The following KIF20B variants were observed in gnomAD, a reference collection of about 807,000 sequenced individuals.
The protein encoded by KIF20B is kinesin family member 20B, also known as kinesin-like protein KIF20B.
A neutral mutation model predicts 232.5 loss-of-function variants in KIF20B; 188 were observed. That is an observed-to-expected ratio of 0.81 (90% CI 0.72 to 0.91). The LOEUF is 0.91. Ranked by LOEUF, KIF20B falls within the 40% of genes least tolerant of loss-of-function variation. The probability of loss-of-function intolerance (pLI) is 0.00; values close to 1 mark genes in which losing one functional copy is unlikely to be tolerated. For synonymous variants in KIF20B, 712 were observed against 683.0 expected, an observed-to-expected ratio of 1.04 and a Z score of -0.66; for missense variants, 2,154 against 2,055.9, an observed-to-expected ratio of 1.05 and a Z score of -0.92.
intron 29 of KIF20B, among the ~76,000 whole-genome samples, chr10:89,763,869 ATTATT>A (rs1842296486): frequency 7.0e-6 from 1 of 143,764 alleles, no homozygotes; most frequent in Non-Finnish European, 1.5e-5. Flanking sequence ...TATTAATAGT[ATTATT>A]TATTTATATA....
At chr10:89,713,027 A>G (rs1210902095) in intron 6 of KIF20B, among the ~76,000 whole-genome samples, 1 of 152,164 alleles carries the variant, frequency 6.6e-6, no homozygotes, top group Non-Finnish European at 1.5e-5. Flanking sequence ...GGATAACTCC[A>G]TAGCCAATTC....
At position 89,738,259 on chromosome 10, in the gene KIF20B, C is replaced by G; in HGVS notation, c.3418C>G (p.Gln1140Glu). The G allele has an allele frequency of 6.2e-7, 1 of 1,610,116 alleles. No homozygotes were observed. The highest frequency in any genetic ancestry group is 8.5e-7 in the Non-Finnish European group (1 of 1,179,026). The change falls in exon 20 of 33, where the codon CAG becomes GAG. Residue 1140 changes from glutamine to glutamate, a missense_variant. Transcript: ENST00000371728. ...AAATGTTACTCTTGATGTTCAAATA[C>G]AGCATGTAGTTGAAGGAAAGAGAGC... ...EKNVTLDVQI[Q>E]HVVEGKRALS...
At position 89,757,050 on chromosome 10, in the gene KIF20B, A is replaced by ATATATATATG. The variant is rs1564673576; in HGVS notation, c.4504-1647_4504-1646insGTATATATAT. Reference sequence around the variant, plus strand: ...TGTGTGTGTGTGTGTGTATATATATATATATATATATATATATATACACAC... The same window carrying ATATATATATG: ...TGTGTGTGTGTGTGTGTATATATATATATATATATGTATATATATATATATATATACACAC... On this transcript the variant is annotated intron_variant, in intron 26 of 32. Transcript: ENST00000371728. Among the ~76,000 whole-genome samples, 3 of 119,436 alleles carry ATATATATATG rather than the reference A, an allele frequency of 2.5e-5. No individual in the cohort carries two copies. In the East Asian group the frequency reaches 1.2e-3, roughly 48 times the overall value. The allele number at this position is 119,436 out of a possible 152,430, so 78.4% of individuals were successfully genotyped here.
At chr10:89,753,395 A>G (rs1926139) in intron 25 of KIF20B, among the ~76,000 whole-genome samples, 28,145 of 152,076 alleles carry the variant, frequency 0.19, 3,150 homozygotes, top group East Asian at 0.35. Flanking sequence ...TTTTTGTTAC[A>G]TATTATATAT....
intron 21 of KIF20B, among the ~76,000 whole-genome samples, chr10:89,741,768 G>A (rs1377688157): frequency 6.6e-6 from 1 of 152,210 alleles, no homozygotes; most frequent in Non-Finnish European, 1.5e-5. Flanking sequence ...GTCATTCTGA[G>A]TAGTGGGTCA....
intron 18 of KIF20B, among the ~76,000 whole-genome samples, chr10:89,732,130 T>A (rs1477841675): frequency 2.8e-5 from 4 of 144,704 alleles, no homozygotes; most frequent in Non-Finnish European, 4.5e-5. Flanking sequence ...TCCCCCACTT[T>A]CTTTCTTTTT....
rs577918687 is a variant in KIF20B, at chr10:89,738,317, A to G, written c.3476A>G (p.Tyr1159Cys). ...GAACTTACACAAGGTGTTACTTGCT[A>G]TAAGGCAAAAATAAAGGAACTTGAA... The part of the protein sequence containing the change: ...LSELTQGVTC[Y>C]KAKIKELETI... Residue 1159 changes from tyrosine (Y) to cysteine (C), a missense_variant, in exon 20 of 33, where the codon TAT becomes TGT. Coordinates refer to ENST00000371728, the MANE Select transcript of KIF20B (RefSeq NM_001284259.2). 6.2e-6 allele frequency: 10 copies of G among 1,612,074 alleles called. No individual in the cohort carries two copies. Among genetic ancestry groups the G allele is most frequent in the South Asian group, 3.3e-5 (3 of 90,446 alleles).
rs1447961451 is a variant in KIF20B, at chr10:89,714,841, C to CA, written c.713-110dup. On this transcript the variant is annotated intron_variant, in intron 7 of 32. Transcript: ENST00000371728. ...CCAAAAAGTTTTTAACATAGATGGT[C>CA]AAAAGATTAAGCATACTTGGTTTTT... 4.8e-5 allele frequency: 32 copies of CA among 673,284 alleles called. No homozygotes were observed. In the East Asian group the frequency reaches 9.3e-4, roughly 20 times the overall value. 41.7% of individuals were successfully genotyped at this position (673,284 alleles called of 1,614,324 possible).
chr10:89,735,138 A>G (rs564859852), intron 19 of KIF20B, among the ~76,000 whole-genome samples: 1 of 152,376 alleles, frequency 6.6e-6, no homozygotes, highest in African/African-American at 2.4e-5. Flanking sequence ...GTTACCATAA[A>G]GTAACAAAAT....
chr10:89,719,780 C>G, intron 13 of KIF20B, 74 bp downstream of exon 13: 1 of 1,262,920 alleles, frequency 7.9e-7, no homozygotes, highest in Admixed American at 2.4e-5. Flanking sequence ...AAGGCTCTCT[C>G]TCTTCAGTTT....
In KIF20B at chr10:89,719,409, A is replaced by G; in HGVS notation, c.1435-10A>G. The G allele has an allele frequency of 6.5e-7, 1 of 1,534,042 alleles. No individual in the cohort carries two copies. The highest frequency in any genetic ancestry group is 8.8e-7 in the Non-Finnish European group (1 of 1,140,786). On this transcript the variant is annotated splice_polypyrimidine_tract_variant and intron_variant, in intron 12 of 32. Coordinates refer to ENST00000371728, the MANE Select transcript of KIF20B (RefSeq NM_001284259.2). ...TTCTGTTTTAAAAGTCACATTGAAT[A>G]TTTTAACAGGTTTGTGTCCCAGACA...
chr10:89,739,146 C>T, intron 21 of KIF20B, 50 bp downstream of exon 21: 4 of 1,558,334 alleles, frequency 2.6e-6, no homozygotes, highest in Non-Finnish European at 3.5e-6. Context: ...AGATTGTTTT[C>T]CTTATATATC....
At chr10:89,710,205 A>C in intron 5 of KIF20B, 140 bp downstream of exon 5, 1 of 624,118 alleles carries the variant, frequency 1.6e-6, no homozygotes, top group Non-Finnish European at 2.4e-6. Flanking sequence ...GCATATTATT[A>C]CGTATTGCTG....
chr10:89,719,610 T>C lies in KIF20B; in HGVS notation c.1626T>C (p.Ala542=), dbSNP rs1162123436. 4 of 1,613,336 alleles carry C rather than the reference T, an allele frequency of 2.5e-6. No individual in the cohort carries two copies. Among genetic ancestry groups the C allele is most frequent in the African/African-American group, 1.3e-5 (1 of 75,028 alleles). Residue 542 remains alanine (A), a synonymous_variant, in exon 13 of 33, where the codon GCT becomes GCC. Transcript: ENST00000371728. ...ATTTGGTTGAGGAGCTAGAAAACGC[T>C]GAAGAAACTCAAAATGTGGAAACTA... ...DEDLVEELEN[A]EETQNVETKL...
intron 12 of KIF20B, 30 bp downstream of exon 12, chr10:89,718,902 T>TAACAGGCTTA: frequency 7.8e-7 from 1 of 1,289,606 alleles, no homozygotes; most frequent in Non-Finnish European, 1.1e-6. Context: ...AGCCTCTTAT[T>TAACAGGCTTA]ATTAGAATAT....
At chr10:89,773,471 C>T (rs912092492) in intron 32 of KIF20B, among the ~76,000 whole-genome samples, 4 of 152,020 alleles carry the variant, frequency 2.6e-5, no homozygotes, top group African/African-American at 9.7e-5. Flanking sequence ...GAGATTGACA[C>T]TTGAATGCAA....
At chr10:89,719,084 A>G (rs1377484018) in intron 12 of KIF20B, among the ~76,000 whole-genome samples, 1 of 152,224 alleles carries the variant, frequency 6.6e-6, no homozygotes, top group African/African-American at 2.4e-5. Flanking sequence ...AATAAACATC[A>G]GTTATAAATT....
chr10:89,714,899 GT>G, intron 7 of KIF20B, 55 bp from the exon 8 acceptor site: 1 of 1,047,700 alleles, frequency 9.5e-7, no homozygotes, highest in Admixed American at 2.3e-5. Flanking sequence ...CTTTTGTCAC[GT>G]TTTTAGTCAG....
Position 89,738,160 on chromosome 10 carries a change from C to T in KIF20B, c.3319C>T (p.His1107Tyr). 1 of 1,587,804 alleles carries T rather than the reference C, an allele frequency of 6.3e-7. No individual in the cohort carries two copies. Among genetic ancestry groups the T allele is most frequent in the South Asian group, 1.1e-5 (1 of 89,118 alleles). The change falls in exon 20 of 33, where the codon CAT becomes TAT. Residue 1107 changes from histidine (H) to tyrosine (Y), a missense_variant. By Grantham distance (83) the His-to-Tyr change is moderately conservative. Coordinates refer to ENST00000371728, the MANE Select transcript of KIF20B (RefSeq NM_001284259.2). ...AAACAATAGACTAAAGGAGAAGGAG[C>T]ATAAAAACCAAGATGACCTACTAAA... ...DENNRLKEKEHKNQDDLLKEK... is the reference protein window; with the variant it reads ...DENNRLKEKEYKNQDDLLKEK...
Sources: allele counts gnomAD v4.1 joint callset (sites outside exome capture counted in the v4.1 genomes callset), GRCh38; gene constraint gnomAD v4.1.1; transcripts MANE v1.5; gene names NCBI Gene and HGNC (gene_info 2026-07-23, HGNC 2026-07-21).